The following ACOT12 variants were observed in gnomAD, a reference collection of about 807,000 sequenced individuals.
ACOT12 encodes the protein acyl-CoA thioesterase 12.
ACOT12 carries 51 observed loss-of-function variants against 67.7 expected under a neutral mutation model. The ratio of observed to expected loss-of-function variants is 0.75; its 90% CI spans 0.60 to 0.95. The LOEUF (loss-of-function observed/expected upper bound fraction) is 0.95. Ranked by LOEUF, ACOT12 falls within the 40% of genes least tolerant of loss-of-function variation. ACOT12 has a pLI of 0.00. For synonymous variants in ACOT12, 251 were observed against 244.6 expected (o/e 1.03, Z -0.24); for missense variants, 734 against 708.1 (o/e 1.04, Z -0.41).
downstream of ACOT12, among the ~76,000 whole-genome samples, chr5:81,329,427 T>C (rs1758748642): frequency 6.6e-6 from 1 of 152,242 alleles, no homozygotes; most frequent in Non-Finnish European, 1.5e-5. Context: ...AATGAAAACT[T>C]GCTGGCACAG....
intron 5 of ACOT12, among the ~76,000 whole-genome samples, chr5:81,358,125 G>C (rs1466690464): frequency 1.3e-5 from 2 of 152,024 alleles, no homozygotes. Context: ...AACTCAGGTA[G>C]TGTAATTTCA....
intron 2 of ACOT12, among the ~76,000 whole-genome samples, chr5:81,376,530 A>G (rs1760418657): frequency 1.3e-5 from 2 of 151,946 alleles, no homozygotes; most frequent in Non-Finnish European, 1.5e-5. Flanking sequence ...AAACCCTTCA[A>G]AAAAGTCAAT....
chr5:81,354,715 T>TTA (rs1759655837), intron 5 of ACOT12, among the ~76,000 whole-genome samples: 1 of 151,968 alleles, frequency 6.6e-6, no homozygotes, highest in African/African-American at 2.4e-5. Context: ...TTTTTTTTTT[T>TTA]ATTTTTGAGT....
intron 5 of ACOT12, among the ~76,000 whole-genome samples, chr5:81,351,544 T>A (rs978285953): frequency 5.3e-5 from 8 of 152,138 alleles, no homozygotes; most frequent in Admixed American, 6.5e-5. Context: ...GAAAACTGGA[T>A]ACTCATATGC....
the ACOT12 span, among the ~76,000 whole-genome samples, chr5:81,310,820 T>A: frequency 4.6e-5 from 7 of 152,342 alleles, no homozygotes; most frequent in South Asian, 1.4e-3. Context: ...TGTTTGAGAA[T>A]CTGACATGCT....
intron 13 of ACOT12, 100 bp downstream of exon 13, chr5:81,332,377 G>T: frequency 7.8e-7 from 1 of 1,286,268 alleles, no homozygotes; most frequent in Admixed American, 2.2e-5. Flanking sequence ...TAATTCAAGA[G>T]CAGAAATATC....
intron 2 of ACOT12, among the ~76,000 whole-genome samples, chr5:81,376,152 G>A (rs1760405817): frequency 6.6e-6 from 1 of 152,076 alleles, no homozygotes; most frequent in Non-Finnish European, 1.5e-5. Flanking sequence ...TCAGACCACA[G>A]TGCAATCAAA....
intron 11 of ACOT12, among the ~76,000 whole-genome samples, chr5:81,342,385 C>G (rs1160344955): frequency 6.6e-6 from 1 of 152,034 alleles, no homozygotes; most frequent in Non-Finnish European, 1.5e-5. Context: ...AAGCATCTGT[C>G]CTGATCTAGA....
In ACOT12 at chr5:81,392,607, C is replaced by G. The variant is rs141275561; in HGVS notation, c.127+1381G>C. 1.9e-3 allele frequency among the ~76,000 whole-genome samples: 282 copies of G among 152,272 alleles called. 1 individual carries two copies. Among genetic ancestry groups the G allele is most frequent in the African/African-American group, 6.5e-3 (270 of 41,534 alleles). On this transcript the variant is annotated intron_variant, in intron 1 of 14. Transcript: ENST00000307624. ...GGTAACTAAAAGTCACTTCAGTGGT[C>G]TCATAATGTATTCAGTTGCCTTGGA... is the stretch of plus-strand genomic sequence containing the variant.
intron 4 of ACOT12, among the ~76,000 whole-genome samples, chr5:81,362,743 G>T (rs1179922597): frequency 6.6e-6 from 1 of 152,192 alleles, no homozygotes; most frequent in Non-Finnish European, 1.5e-5. Flanking sequence ...TCCGTGGGAT[G>T]CTTTGGCAAA....
At chr5:81,346,810 A>C (rs1160238971) in intron 6 of ACOT12, among the ~76,000 whole-genome samples, 1 of 152,172 alleles carries the variant, frequency 6.6e-6, no homozygotes, top group East Asian at 1.9e-4. Context: ...TAGACATATT[A>C]ATAATAAAAT....
At chr5:81,318,908 T>C in the ACOT12 span, among the ~76,000 whole-genome samples, 2 of 152,170 alleles carry the variant, frequency 1.3e-5, no homozygotes, top group African/African-American at 4.8e-5. Context: ...ACAGTGATAG[T>C]TTTCTGGGGA....
intron 5 of ACOT12, among the ~76,000 whole-genome samples, chr5:81,349,388 T>C (rs1369095210): frequency 6.6e-6 from 1 of 152,090 alleles, no homozygotes; most frequent in East Asian, 1.9e-4. Flanking sequence ...ACTCTCCCTC[T>C]CCCTTTGCTC....
intron 5 of ACOT12, among the ~76,000 whole-genome samples, chr5:81,349,772 G>C (rs541836607): frequency 7.4e-4 from 113 of 152,178 alleles, no homozygotes; most frequent in Non-Finnish European, 1.5e-3. Context: ...TAAATGAAAT[G>C]AATGAATAAA....
chr5:81,375,268 A>G (rs1403072455), intron 2 of ACOT12, among the ~76,000 whole-genome samples: 1 of 152,158 alleles, frequency 6.6e-6, no homozygotes, highest in Non-Finnish European at 1.5e-5. Flanking sequence ...CAGAAATAAA[A>G]TCCTTTACAG....
intron 2 of ACOT12, among the ~76,000 whole-genome samples, chr5:81,382,921 C>G (rs552916526): frequency 2.9e-4 from 44 of 152,014 alleles, no homozygotes; most frequent in African/African-American, 1.0e-3. Context: ...CAAACTTTTC[C>G]TCAGGATACT....
intron 4 of ACOT12, 132 bp from the exon 5 acceptor site, chr5:81,360,170 C>T: frequency 1.9e-5 from 16 of 854,424 alleles, no homozygotes; most frequent in Non-Finnish European, 2.6e-5. Context: ...AGTGTTTTCA[C>T]TAAACATGTT....
At chr5:81,313,149 A>G in the ACOT12 span, 2 of 152,174 alleles carry the variant, frequency 1.3e-5, no homozygotes, top group African/African-American at 4.8e-5. Context: ...CAATAGAAAT[A>G]TTTTTGTGTA....
chr5:81,378,001 G>A (rs534017836), intron 2 of ACOT12, among the ~76,000 whole-genome samples: 1 of 152,132 alleles, frequency 6.6e-6, no homozygotes, highest in African/African-American at 2.4e-5. Context: ...ATTTTATATG[G>A]AACCAAAAAA....
Sources: gnomAD v4.1 joint callset for allele counts (sites outside exome capture counted in the v4.1 genomes callset) on GRCh38, gnomAD v4.1.1 for gene constraint, MANE v1.5 for transcripts, NCBI Gene and HGNC (gene_info 2026-07-23, HGNC 2026-07-21) for gene names.